Variants in IL21R observed in about 807,000 individuals in gnomAD.
IL21R encodes the protein interleukin 21 receptor, also known as interleukin-21 receptor.
In IL21R, 14 loss-of-function variants were observed where a neutral mutation model predicts 41.3. That is an observed-to-expected ratio of 0.34 (90% CI 0.22 to 0.53). The LOEUF is 0.53. IL21R is among the 20% of genes least tolerant of loss of function. IL21R has a pLI of 0.94. For missense variants in IL21R, 588 were observed against 681.6 expected, an observed-to-expected ratio of 0.86 and a Z score of 1.53; for synonymous variants, 286 against 287.6, an observed-to-expected ratio of 0.99 and a Z score of 0.05.
At chr16:27,412,376 C>G (rs1347977667) in intron 1 of IL21R, among the ~76,000 whole-genome samples, 1 of 151,370 alleles carries the variant, frequency 6.6e-6, no homozygotes, top group African/African-American at 2.4e-5. Context: ...TGTGAGGCCT[C>G]CAGCTTTCTT....
At chr16:27,448,019 T>G (rs1218972948) in intron 8 of IL21R, 3 of 153,558 alleles carry the variant, frequency 2.0e-5, no homozygotes, top group African/African-American at 7.3e-5. Context: ...GGGGATCCAC[T>G]AGGGTGGGAG....
chr16:27,435,426 C>T (rs2087251467), intron 3 of IL21R, among the ~76,000 whole-genome samples: 1 of 151,760 alleles, frequency 6.6e-6, no homozygotes, highest in East Asian at 1.9e-4. Context: ...CAACAAGGTG[C>T]TTTCTCTTTT....
chr16:27,405,737 G>A (rs949011630), intron 1 of IL21R, among the ~76,000 whole-genome samples: 1 of 151,508 alleles, frequency 6.6e-6, no homozygotes, highest in Non-Finnish European at 1.5e-5. Context: ...CCCACTCCCT[G>A]CCCTGGCCCC....
rs779279193 is a variant in IL21R, at chr16:27,449,069, G to C, written c.1403G>C (p.Arg468Pro). Residue 468 changes from arginine (R) to proline (P), a missense_variant, in exon 9 of 9, where the codon CGG becomes CCG. Coordinates refer to ENST00000337929, the MANE Select transcript of IL21R (RefSeq NM_181078.3). Reference sequence around the variant, plus strand: ...GCTGGGGGACTGCCCTGGGGTGGCCGGTCACCTGGAGGGGTCTCAGAGAGT... The same window carrying C: ...GCTGGGGGACTGCCCTGGGGTGGCCCGTCACCTGGAGGGGTCTCAGAGAGT... ...DWAGGLPWGG[R>P]SPGGVSESEA... is the part of the protein sequence containing the mutation. 2 of 1,612,782 alleles carry C rather than the reference G, an allele frequency of 1.2e-6. No individual in the cohort carries two copies. The highest frequency in any genetic ancestry group is 3.3e-5 in the Admixed American group (2 of 60,012).
intron 1 of IL21R, among the ~76,000 whole-genome samples, chr16:27,410,263 G>T (rs140877447): frequency 8.5e-5 from 13 of 152,050 alleles, no homozygotes; most frequent in Non-Finnish European, 1.5e-5. Context: ...AACCCAGGAG[G>T]CGGAGGTTGC....
chr16:27,444,383 T>C (rs1371848405), intron 5 of IL21R, among the ~76,000 whole-genome samples, 159 bp from the exon 6 acceptor site: 5 of 152,082 alleles, frequency 3.3e-5, no homozygotes, highest in African/African-American at 1.2e-4. Context: ...GTGCTCCCCA[T>C]GCCTGAGTCC....
chr16:27,419,818 TATTATTATTATTA>T, intron 1 of IL21R, among the ~76,000 whole-genome samples: 1 of 8,028 alleles, frequency 1.2e-4, no homozygotes, highest in Non-Finnish European at 2.5e-4. Context: ...TAACATAGTT[TATTATTATTATTA>T]TTATTATTAT....
At chr16:27,440,124 C>T (rs1294578374) in intron 4 of IL21R, among the ~76,000 whole-genome samples, 2 of 151,414 alleles carry the variant, frequency 1.3e-5, no homozygotes, top group African/African-American at 2.4e-5. Context: ...TCTGTCACCT[C>T]GGGGCGTGGT....
intron 1 of IL21R, among the ~76,000 whole-genome samples, chr16:27,409,409 A>G (rs1442501938): frequency 1.3e-5 from 2 of 151,850 alleles, no homozygotes; most frequent in Non-Finnish European, 2.9e-5. Context: ...TTATGACCAG[A>G]ACTTTCTATG....
At chr16:27,429,490 T>C (rs1435759472) in intron 1 of IL21R, among the ~76,000 whole-genome samples, 1 of 151,794 alleles carries the variant, frequency 6.6e-6, no homozygotes, top group East Asian at 2.0e-4. Flanking sequence ...ATTCACCTTG[T>C]GCTGGGCGTG....
At chr16:27,429,953 C>A in intron 1 of IL21R, 103 bp from the exon 2 acceptor site, 1 of 971,432 alleles carries the variant, frequency 1.0e-6, no homozygotes, top group Non-Finnish European at 1.5e-6. Flanking sequence ...TAAGACAGTT[C>A]CAAGAATCAG....
chr16:27,417,230 C>T (rs1294321951), intron 1 of IL21R, among the ~76,000 whole-genome samples: 1 of 139,118 alleles, frequency 7.2e-6, no homozygotes, highest in Non-Finnish European at 1.5e-5. Context: ...GGTGTGAAAA[C>T]AGCTCACTGT....
At chr16:27,402,994 G>GTC in intron 1 of IL21R, 1 of 410,958 alleles carries the variant, frequency 2.4e-6, no homozygotes, top group Non-Finnish European at 4.9e-6. Flanking sequence ...GAGCCTGATG[G>GTC]GACCCATTCT....
Position 27,443,066 on chromosome 16 carries a change from A to G in IL21R, c.457A>G (p.Lys153Glu), listed in dbSNP as rs149485226. The G allele has an allele frequency of 7.4e-6, 12 of 1,613,824 alleles. No homozygotes were observed. The highest frequency in any genetic ancestry group is 9.3e-6 in the Non-Finnish European group (11 of 1,179,902). The change falls in exon 5 of 9, where the codon AAG becomes GAG. Residue 153 changes from lysine (K) to glutamate (E), a missense_variant. Lys to Glu is a moderately conservative substitution (Grantham distance 56, BLOSUM62 1). Transcript: ENST00000337929. Reference sequence around the variant, plus strand: ...CCCTGCCTTCTACATGCTGAAGGGCAAGCTTCAGTATGAGCTGCAGTACAG... The same window carrying G: ...CCCTGCCTTCTACATGCTGAAGGGCGAGCTTCAGTATGAGCTGCAGTACAG... ...EDPAFYMLKG[K>E]LQYELQYRNR... is the part of the protein sequence containing the mutation.
At position 27,430,929 on chromosome 16, in the gene IL21R, G is replaced by A. The variant is rs148189704; in HGVS notation, c.49+809G>A. ...AAGAGCCAAAAGGAGACTGAACCTT[G>A]GTAGGCAGCCCCCAGAGGACCAGAT... is the stretch of plus-strand genomic sequence containing the variant. On this transcript the variant is annotated intron_variant, in intron 2 of 8. Coordinates refer to ENST00000337929, the MANE Select transcript of IL21R (RefSeq NM_181078.3). 4.6e-5 allele frequency among the ~76,000 whole-genome samples: 7 copies of A among 152,312 alleles called. 1 individual carries two copies. Among genetic ancestry groups the A allele is most frequent in the African/African-American group, 1.7e-4 (7 of 41,562 alleles).
At chr16:27,420,658 C>T (rs949730575) in intron 1 of IL21R, among the ~76,000 whole-genome samples, 4 of 152,132 alleles carry the variant, frequency 2.6e-5, no homozygotes, top group Non-Finnish European at 1.5e-5. Context: ...TAATTCTTGC[C>T]TTTTAGATCT....
Position 27,448,752 on chromosome 16 carries a change from T to G in IL21R, c.1086T>G (p.Ala362=). The G allele has an allele frequency of 6.2e-7, 1 of 1,613,550 alleles. No homozygotes were observed. The highest frequency in any genetic ancestry group is 8.5e-7 in the Non-Finnish European group (1 of 1,180,012). ...CAGCCCAGAACTCGGGGGGCTCAGC[T>G]TACAGTGAGGAGAGGGATCGGCCAT... ...WPTAQNSGGS[A]YSEERDRPYG... Residue 362 remains alanine, a synonymous_variant, in exon 9 of 9, where the codon GCT becomes GCG. Transcript: ENST00000337929.
intron 1 of IL21R, among the ~76,000 whole-genome samples, chr16:27,405,694 C>T (rs1308590582): frequency 1.3e-5 from 2 of 152,208 alleles, no homozygotes; most frequent in African/African-American, 4.8e-5. Context: ...GGGAGGAACC[C>T]ACCCCCACCC....
At chr16:27,442,063 G>A (rs544220596) in intron 4 of IL21R, among the ~76,000 whole-genome samples, 41 of 152,306 alleles carry the variant, frequency 2.7e-4, no homozygotes, top group South Asian at 6.2e-4. Flanking sequence ...GGGGTCTCCC[G>A]TTTCCCATTC....
Sources: gnomAD v4.1 joint callset for allele counts (sites outside exome capture counted in the v4.1 genomes callset) on GRCh38, gnomAD v4.1.1 for gene constraint, MANE v1.5 for transcripts, NCBI Gene and HGNC (gene_info 2026-07-23, HGNC 2026-07-21) for gene names.